Variants in NOVA1 observed in about 807,000 individuals in gnomAD.
NOVA1 encodes the protein NOVA alternative splicing regulator 1, also known as RNA-binding protein Nova-1.
In NOVA1, 7 loss-of-function variants were observed where a neutral mutation model predicts 38.0. That is an observed-to-expected ratio of 0.18 (90% confidence interval 0.10 to 0.35). The LOEUF (loss-of-function observed/expected upper bound fraction) is 0.35. Ranked by LOEUF, NOVA1 falls within the 10% of genes least tolerant of loss-of-function variation. NOVA1 has a pLI of 1.00. For synonymous variants in NOVA1, 270 were observed against 232.5 expected (o/e 1.16, Z -1.47); for missense variants, 460 against 616.0 (o/e 0.75, Z 2.68).
At chr14:26,452,983 T>C (rs1882833130) in intron 4 of NOVA1, among the ~76,000 whole-genome samples, 2 of 152,190 alleles carry the variant, frequency 1.3e-5, no homozygotes, top group South Asian at 4.1e-4. Context: ...AGACACAAAG[T>C]TTAACTGGAA....
intron 2 of NOVA1, among the ~76,000 whole-genome samples, chr14:26,541,785 A>C (rs1474382822): frequency 1.3e-5 from 2 of 151,748 alleles, no homozygotes; most frequent in Non-Finnish European, 2.9e-5. Context: ...CACAGGGATA[A>C]ACAGTGTTTC....
chr14:26,494,584 A>G (rs141723904), intron 2 of NOVA1, among the ~76,000 whole-genome samples: 4 of 152,208 alleles, frequency 2.6e-5, no homozygotes, highest in Non-Finnish European at 5.9e-5. Context: ...TTTCCTTTTC[A>G]TGTAGTGACT....
At chr14:26,571,957 C>A (rs1445650736) in intron 2 of NOVA1, among the ~76,000 whole-genome samples, 1 of 152,156 alleles carries the variant, frequency 6.6e-6, no homozygotes, top group Non-Finnish European at 1.5e-5. Flanking sequence ...AAAGCATAGA[C>A]TACAACAGCT....
At chr14:26,467,102 G>C (rs1288596728) in intron 4 of NOVA1, among the ~76,000 whole-genome samples, 1 of 152,128 alleles carries the variant, frequency 6.6e-6, no homozygotes, top group Non-Finnish European at 1.5e-5. Context: ...AGAAGACTCA[G>C]AAGAATTCCC....
In NOVA1 at chr14:26,472,714, A is replaced by G. The variant is rs560741225; in HGVS notation, c.448-323T>C. ...TCTTTCCCTCTTGTTTTCTTGGGGA[A>G]AAGAGATGTAAAAAAAAAAAAAATT... On this transcript the variant is annotated intron_variant, in intron 3 of 4. Transcript: ENST00000539517. 3.8e-3 allele frequency among the ~76,000 whole-genome samples: 581 copies of G among 151,788 alleles called. 4 individuals carry two copies. The highest frequency in any genetic ancestry group is 6.4e-3 in the Non-Finnish European group (435 of 67,952).
intron 2 of NOVA1, among the ~76,000 whole-genome samples, chr14:26,546,657 G>A (rs1419074812): frequency 6.6e-6 from 1 of 152,096 alleles, no homozygotes; most frequent in Non-Finnish European, 1.5e-5. Context: ...CTAATGGAAA[G>A]CTAGATGTTG....
At chr14:26,532,837 T>C (rs922579144) in intron 2 of NOVA1, among the ~76,000 whole-genome samples, 1 of 152,198 alleles carries the variant, frequency 6.6e-6, no homozygotes, top group African/African-American at 2.4e-5. Context: ...ACTCTTTTAC[T>C]ATAAAATTCT....
chr14:26,573,114 A>G (rs1053360705), intron 2 of NOVA1, among the ~76,000 whole-genome samples: 4 of 152,146 alleles, frequency 2.6e-5, no homozygotes, highest in Non-Finnish European at 5.9e-5. Context: ...AAATCCATAA[A>G]AATGTCTGAG....
chr14:26,494,773 A>G (rs1451659460), intron 2 of NOVA1, among the ~76,000 whole-genome samples: 1 of 151,948 alleles, frequency 6.6e-6, no homozygotes, highest in African/African-American at 2.4e-5. Flanking sequence ...CGGAGACACT[A>G]TTTGCTCTAA....
intron 4 of NOVA1, among the ~76,000 whole-genome samples, chr14:26,463,190 T>C (rs914956928): frequency 1.1e-4 from 17 of 152,208 alleles, no homozygotes; most frequent in Admixed American, 7.9e-4. Flanking sequence ...ACTTTTATCA[T>C]ACATACGTTC....
chr14:26,493,844 G>A (rs1886545565), intron 2 of NOVA1, among the ~76,000 whole-genome samples: 1 of 152,070 alleles, frequency 6.6e-6, no homozygotes, highest in Non-Finnish European at 1.5e-5. Context: ...GTTCATTTGA[G>A]CCAACTCTTC....
chr14:26,531,082 G>A (rs1889676886), intron 2 of NOVA1, among the ~76,000 whole-genome samples: 2 of 152,074 alleles, frequency 1.3e-5, no homozygotes, highest in South Asian at 4.1e-4. Context: ...TTTATTTGTT[G>A]GATGGGTACA....
At chr14:26,457,599 T>C (rs1242600799) in intron 4 of NOVA1, among the ~76,000 whole-genome samples, 2 of 152,152 alleles carry the variant, frequency 1.3e-5, no homozygotes, top group African/African-American at 4.8e-5. Flanking sequence ...GCACATACAA[T>C]TGTGTACAGT....
intron 4 of NOVA1, among the ~76,000 whole-genome samples, chr14:26,471,029 G>C (rs575955499): frequency 6.6e-6 from 1 of 152,202 alleles, no homozygotes; most frequent in South Asian, 2.1e-4. Context: ...AAGCTTGGTT[G>C]TCACTTTATG....
chr14:26,524,243 G>A (rs913484677), intron 2 of NOVA1, among the ~76,000 whole-genome samples: 5 of 152,268 alleles, frequency 3.3e-5, no homozygotes, highest in South Asian at 2.1e-4. Flanking sequence ...CAGGATGGAA[G>A]CCAACCTGTT....
chr14:26,595,952 A>G, intron 1 of NOVA1: 1 of 397,974 alleles, frequency 2.5e-6, no homozygotes, highest in Non-Finnish European at 4.9e-6. Flanking sequence ...TTAACATATT[A>G]AAAAAGAAGA....
intron 2 of NOVA1, among the ~76,000 whole-genome samples, chr14:26,494,086 C>T (rs1886571865): frequency 6.6e-6 from 1 of 152,170 alleles, no homozygotes; most frequent in African/African-American, 2.4e-5. Context: ...AGACTCTTAT[C>T]CTCATAGTAA....
intron 2 of NOVA1, among the ~76,000 whole-genome samples, chr14:26,480,952 A>C (rs2138299515): frequency 6.6e-6 from 1 of 152,244 alleles, no homozygotes; most frequent in South Asian, 2.1e-4. Context: ...TCTTGTGAAT[A>C]AAATGTAAAT....
At chr14:26,453,576 T>A (rs1594320055) in intron 4 of NOVA1, among the ~76,000 whole-genome samples, 1 of 152,150 alleles carries the variant, frequency 6.6e-6, no homozygotes, top group Non-Finnish European at 1.5e-5. Context: ...TCCTATGAGT[T>A]TTAAAAATAC....
Sources: allele counts gnomAD v4.1 joint callset (sites outside exome capture counted in the v4.1 genomes callset), GRCh38; gene constraint gnomAD v4.1.1; transcripts MANE v1.5; gene names NCBI Gene and HGNC (gene_info 2026-07-23, HGNC 2026-07-21).